The following PARD3B variants were observed in gnomAD, a reference collection of about 807,000 sequenced individuals.
PARD3B encodes par-3 family cell polarity regulator beta, also known as partitioning defective 3 homolog B.
Under a neutral mutation model 130.2 loss-of-function variants are expected in PARD3B, and 103 were observed. That is an observed-to-expected ratio of 0.79 (90% CI 0.67 to 0.93). The LOEUF is 0.93. Among genes scored for constraint, PARD3B ranks in the 40% least tolerant of loss-of-function variants. The pLI is 0.00. For missense variants in PARD3B, 1,609 were observed against 1,499.2 expected (o/e 1.07, Z -1.21); for synonymous variants, 583 against 553.2 (o/e 1.05, Z -0.76).
At chr2:204,970,982 A>T (rs1336999392) in intron 3 of PARD3B, among the ~76,000 whole-genome samples, 1 of 152,210 alleles carries the variant, frequency 6.6e-6, no homozygotes, top group African/African-American at 2.4e-5. Context: ...CGAAATGGAA[A>T]TTATGATTAT....
intron 21 of PARD3B, among the ~76,000 whole-genome samples, chr2:205,545,623 G>A (rs1226259794): frequency 2.0e-5 from 3 of 152,078 alleles, no homozygotes; most frequent in Admixed American, 6.6e-5. Context: ...ACTTTGCTTG[G>A]CCTCTCCATC....
chr2:205,542,904 A>AGTCT (rs2052222523), intron 21 of PARD3B, among the ~76,000 whole-genome samples: 1 of 152,238 alleles, frequency 6.6e-6, no homozygotes, highest in East Asian at 1.9e-4. Flanking sequence ...GAAATGTGGC[A>AGTCT]GTCTTAATAA....
intron 13 of PARD3B, among the ~76,000 whole-genome samples, chr2:205,179,595 C>A (rs572638340): frequency 1.3e-5 from 2 of 152,278 alleles, no homozygotes; most frequent in South Asian, 4.1e-4. Context: ...AGCCTAGGAG[C>A]AATAGGCTAT....
intron 1 of PARD3B, among the ~76,000 whole-genome samples, chr2:204,568,954 GGAA>G: frequency 7.0e-6 from 1 of 143,416 alleles, no homozygotes; most frequent in African/African-American, 2.7e-5. Context: ...GACTGTCTCA[GGAA>G]AAAAAAAAAA....
intron 4 of PARD3B, among the ~76,000 whole-genome samples, chr2:205,055,880 G>C (rs1699594997): frequency 6.6e-6 from 1 of 152,090 alleles, no homozygotes; most frequent in Non-Finnish European, 1.5e-5. Context: ...CACACACAAA[G>C]GCAGCAGCGT....
chr2:205,328,271 A>G (rs2043000741), intron 18 of PARD3B, among the ~76,000 whole-genome samples: 1 of 152,170 alleles, frequency 6.6e-6, no homozygotes, highest in African/African-American at 2.4e-5. Flanking sequence ...TGAGATTGAC[A>G]TTATATCATT....
chr2:205,188,796 A>G (rs2036237128), intron 14 of PARD3B, among the ~76,000 whole-genome samples: 2 of 151,776 alleles, frequency 1.3e-5, no homozygotes, highest in African/African-American at 4.8e-5. Flanking sequence ...AAAAAAAAAA[A>G]AAAAAAAGGA....
At chr2:205,330,466 T>A (rs2043083344) in intron 18 of PARD3B, among the ~76,000 whole-genome samples, 1 of 152,248 alleles carries the variant, frequency 6.6e-6, no homozygotes, top group Non-Finnish European at 1.5e-5. Context: ...GTCTCCTTGC[T>A]TGGGTTAACC....
chr2:205,021,767 T>C lies in PARD3B; in HGVS notation c.395-25814T>C, dbSNP rs2125334309. On this transcript the variant is annotated intron_variant, in intron 3 of 22. Coordinates refer to ENST00000406610, the MANE Select transcript of PARD3B (RefSeq NM_001302769.2). This position sits in a 1 kb window ranked among gnomAD's most constrained non-coding sequence, Gnocchi z 4.5. The stretch of plus-strand genomic sequence containing the variant: ...ACCAAGACTTAAGGAGGTTAAGGAA[T>C]TGGGTCTAGTAATATATCAAGTCAA... Among the ~76,000 whole-genome samples the C allele has an allele frequency of 6.6e-6, 1 of 152,156 alleles. No individual in the cohort carries two copies. Among genetic ancestry groups the C allele is most frequent in the Non-Finnish European group, 1.5e-5 (1 of 67,994 alleles).
At chr2:205,615,336 T>A in intron 22 of PARD3B, 120 bp from the exon 23 acceptor site, 1 of 743,944 alleles carries the variant, frequency 1.3e-6, no homozygotes, top group Non-Finnish European at 2.3e-6. Context: ...TCTGCTCCCA[T>A]CCCATTGGCC....
intron 4 of PARD3B, among the ~76,000 whole-genome samples, chr2:205,072,126 C>T (rs1438900952): frequency 6.6e-6 from 1 of 151,988 alleles, no homozygotes; most frequent in Non-Finnish European, 1.5e-5. Flanking sequence ...GATGGTATTC[C>T]TGTCATTAAT....
chr2:205,083,942 A>G (rs1701589467), intron 4 of PARD3B, among the ~76,000 whole-genome samples: 1 of 152,164 alleles, frequency 6.6e-6, no homozygotes, highest in Admixed American at 6.5e-5. Context: ...GCTTCCCAAC[A>G]TCACGACATT....
intron 1 of PARD3B, among the ~76,000 whole-genome samples, chr2:204,585,095 G>T (rs970383915): frequency 6.6e-6 from 1 of 152,196 alleles, no homozygotes; most frequent in African/African-American, 2.4e-5. Context: ...GGCTAGAGAT[G>T]CCACCTGAAG....
intron 2 of PARD3B, among the ~76,000 whole-genome samples, chr2:204,953,956 C>T (rs1412047630): frequency 6.6e-6 from 1 of 152,048 alleles, no homozygotes; most frequent in Non-Finnish European, 1.5e-5. Flanking sequence ...TCAACTGTTC[C>T]CAGAAAAGAG....
intron 2 of PARD3B, among the ~76,000 whole-genome samples, chr2:204,770,785 C>T (rs1478043986): frequency 2.0e-5 from 3 of 152,072 alleles, no homozygotes; most frequent in Non-Finnish European, 2.9e-5. Flanking sequence ...ACCCTTCTCC[C>T]ACCTTCCACC....
chr2:205,138,428 A>G (rs1055093726), intron 10 of PARD3B, among the ~76,000 whole-genome samples: 1 of 152,154 alleles, frequency 6.6e-6, no homozygotes, highest in Admixed American at 6.5e-5. Flanking sequence ...CCCACCTCAC[A>G]TAGAGAATTA....
chr2:205,002,823 A>G (rs759577847), intron 3 of PARD3B, among the ~76,000 whole-genome samples: 1 of 152,190 alleles, frequency 6.6e-6, no homozygotes, highest in Non-Finnish European at 1.5e-5. Context: ...TTGATGCCAT[A>G]AGAAATTACC....
chr2:204,905,359 G>A (rs1042915451), intron 2 of PARD3B, among the ~76,000 whole-genome samples: 2 of 152,068 alleles, frequency 1.3e-5, no homozygotes, highest in Non-Finnish European at 2.9e-5. Flanking sequence ...CAGAGAGCAG[G>A]GCTTCAGACC....
chr2:204,634,159 C>T (rs898953356), intron 1 of PARD3B, among the ~76,000 whole-genome samples: 1 of 152,162 alleles, frequency 6.6e-6, no homozygotes, highest in African/African-American at 2.4e-5. Flanking sequence ...TTCCAAGCCT[C>T]TAGTAACCAT....
Sources: gnomAD v4.1 joint callset for allele counts (sites outside exome capture counted in the v4.1 genomes callset) on GRCh38, gnomAD v4.1.1 for gene constraint, Gnocchi (gnomAD v3.1) non-coding constraint, MANE v1.5 for transcripts, NCBI Gene and HGNC (gene_info 2026-07-23, HGNC 2026-07-21) for gene names.